NUMB: variants seen among roughly 807,000 people sequenced by gnomAD.
The protein encoded by NUMB is protein numb homolog.
A neutral mutation model predicts 59.7 loss-of-function variants in NUMB; 29 were observed. The ratio of observed to expected loss-of-function variants is 0.49; its 90% CI spans 0.36 to 0.66. NUMB has a LOEUF of 0.66. NUMB is among the 30% of genes least tolerant of loss of function. The pLI is 0.00. For missense variants in NUMB, 723 were observed against 822.0 expected, an observed-to-expected ratio of 0.88 and a Z score of 1.47; for synonymous variants, 288 against 288.2, an observed-to-expected ratio of 1.00 and a Z score of 0.01.
At chr14:73,360,516 C>CA (rs1894047917) in intron 3 of NUMB, among the ~76,000 whole-genome samples, 1 of 152,250 alleles carries the variant, frequency 6.6e-6, no homozygotes, top group African/African-American at 2.4e-5. Flanking sequence ...TGAGATCACA[C>CA]CATTGCACTC....
At chr14:73,395,273 T>C (rs1184186290) in intron 2 of NUMB, among the ~76,000 whole-genome samples, 1 of 52,410 alleles carries the variant, frequency 1.9e-5, no homozygotes, top group Admixed American at 2.1e-4. Context: ...GACACTTAGG[T>C]TGATTCCTAT....
At chr14:73,347,570 G>A (rs1011615888) in intron 4 of NUMB, among the ~76,000 whole-genome samples, 2 of 152,134 alleles carry the variant, frequency 1.3e-5, no homozygotes, top group African/African-American at 2.4e-5. Flanking sequence ...GGATTGCACT[G>A]CAAGTGCTGT....
chr14:73,330,838 A>G (rs903641221), intron 4 of NUMB, among the ~76,000 whole-genome samples: 1 of 152,332 alleles, frequency 6.6e-6, no homozygotes, highest in Admixed American at 6.5e-5. Flanking sequence ...TGGCCATGCA[A>G]TTATGGAGGA....
At chr14:73,357,410 A>AG (rs1555374331) in intron 3 of NUMB, among the ~76,000 whole-genome samples, 1 of 150,912 alleles carries the variant, frequency 6.6e-6, no homozygotes, top group Non-Finnish European at 1.5e-5. Context: ...CAAAAAAAAA[A>AG]AAAGAAAGAA....
At position 73,409,974 on chromosome 14, in the gene NUMB, C is replaced by A. The variant is rs1250783737; in HGVS notation, c.-138G>T. 1 of 152,224 alleles carries A rather than the reference C, an allele frequency of 6.6e-6. No homozygotes were observed. Among genetic ancestry groups the A allele is most frequent in the Non-Finnish European group, 1.5e-5 (1 of 68,046 alleles). The allele number at this position is 152,224 out of a possible 1,614,324, so 9.4% of individuals were successfully genotyped here. A position where few individuals can be genotyped will look rare whatever the true frequency, so the allele number is the denominator to read the frequency against. On this transcript the variant is annotated 5_prime_UTR_variant, in exon 2 of 13. Transcript: ENST00000555238. The stretch of plus-strand genomic sequence containing the variant: ...AGGCGTCTGAGGATTGCTGGCCCAC[C>A]AATATTCCAATCTATGGATATAGAT...
chr14:73,310,801 G>T (rs958850622), intron 6 of NUMB, among the ~76,000 whole-genome samples: 1 of 152,108 alleles, frequency 6.6e-6, no homozygotes, highest in African/African-American at 2.4e-5. Context: ...ATCTAATAGG[G>T]TGGCCTAAGA....
At chr14:73,343,070 C>T (rs1892723708) in intron 4 of NUMB, among the ~76,000 whole-genome samples, 1 of 151,434 alleles carries the variant, frequency 6.6e-6, no homozygotes, top group Non-Finnish European at 1.5e-5. Flanking sequence ...CTCAAGTGTT[C>T]CTCCTGCCTT....
intron 1 of NUMB, among the ~76,000 whole-genome samples, chr14:73,450,662 G>A (rs1256401425): frequency 6.6e-6 from 1 of 152,064 alleles, no homozygotes; most frequent in Non-Finnish European, 1.5e-5. Flanking sequence ...GGGCGTGGTG[G>A]CACACGCCTG....
intron 2 of NUMB, among the ~76,000 whole-genome samples, chr14:73,390,848 CA>C (rs1170994203): frequency 6.6e-6 from 1 of 151,450 alleles, no homozygotes; most frequent in African/African-American, 2.4e-5. Context: ...GGGGTTTCAC[CA>C]TGTTAGTCAA....
intron 1 of NUMB, among the ~76,000 whole-genome samples, chr14:73,425,742 G>A (rs1312742599): frequency 4.0e-5 from 6 of 151,730 alleles, no homozygotes; most frequent in African/African-American, 1.5e-4. Context: ...GTATAAGTGT[G>A]TATAATCTCA....
chr14:73,303,601 A>G (rs1002102602), intron 6 of NUMB, among the ~76,000 whole-genome samples: 1 of 152,026 alleles, frequency 6.6e-6, no homozygotes, highest in African/African-American at 2.4e-5. Context: ...AAACAAAACA[A>G]AACAAAAAAA....
At chr14:73,287,443 GTCTCTGC>G in intron 8 of NUMB, 129 bp from the exon 9 acceptor site, 1 of 777,124 alleles carries the variant, frequency 1.3e-6, no homozygotes, top group African/African-American at 1.7e-5. Context: ...CAGTGGCGCA[GTCTCTGC>G]TCACTGCAAC....
At chr14:73,377,117 A>G (rs1894986421) in intron 2 of NUMB, among the ~76,000 whole-genome samples, 1 of 152,218 alleles carries the variant, frequency 6.6e-6, no homozygotes, top group African/African-American at 2.4e-5. Context: ...GTAAAATGTA[A>G]AACTATAAAG....
At chr14:73,281,187 G>A (rs1888613702) in intron 11 of NUMB, among the ~76,000 whole-genome samples, 1 of 151,982 alleles carries the variant, frequency 6.6e-6, no homozygotes, top group Non-Finnish European at 1.5e-5. Flanking sequence ...TATTCAGGAG[G>A]ACCTGAGTTT....
intron 2 of NUMB, among the ~76,000 whole-genome samples, chr14:73,406,682 G>A (rs1233112198): frequency 1.3e-5 from 2 of 152,048 alleles, no homozygotes; most frequent in African/African-American, 4.8e-5. Context: ...TGTCTTCCAC[G>A]ATGGTTGACT....
chr14:73,302,868 G>A (rs375292768), intron 6 of NUMB, among the ~76,000 whole-genome samples: 23 of 152,190 alleles, frequency 1.5e-4, no homozygotes, highest in Middle Eastern at 3.4e-3. Flanking sequence ...CCATCAGGCC[G>A]CAGTTAACTA....
At chr14:73,282,165 G>A in intron 11 of NUMB, 194 bp downstream of exon 11, 1 of 509,616 alleles carries the variant, frequency 2.0e-6, no homozygotes, top group Non-Finnish European at 3.4e-6. Context: ...GACAAACACA[G>A]ACATCTTAGA....
intron 1 of NUMB, among the ~76,000 whole-genome samples, chr14:73,433,330 G>A (rs535925328): frequency 6.6e-6 from 1 of 152,228 alleles, no homozygotes; most frequent in South Asian, 2.1e-4. Context: ...GCTGAAGCAG[G>A]AGAATCGCTT....
rs538103654 is a variant in NUMB at position 73,412,379 on chromosome 14, G to A, written c.-232-2311C>T. The stretch of plus-strand genomic sequence containing the variant: ...ACGGTGGCTCACGCTTGTAATCCCA[G>A]CACTTTGGGAGGCTGAGGCAGGCAG... On this transcript the variant is annotated intron_variant, in intron 1 of 12. Coordinates refer to ENST00000555238, the MANE Select transcript of NUMB (RefSeq NM_001005743.2). 1.4e-3 allele frequency among the ~76,000 whole-genome samples: 209 copies of A among 152,174 alleles called. 1 individual carries two copies. Among genetic ancestry groups the A allele is most frequent in the Admixed American group, 0.012 (185 of 15,274 alleles).
Sources: allele counts gnomAD v4.1 joint callset (sites outside exome capture counted in the v4.1 genomes callset), GRCh38; gene constraint gnomAD v4.1.1; transcripts MANE v1.5; gene names NCBI Gene and HGNC (gene_info 2026-07-23, HGNC 2026-07-21).